RAD21: variants seen among roughly 807,000 people sequenced by gnomAD.
The protein encoded by RAD21 is double-strand-break repair protein rad21 homolog.
A neutral mutation model predicts 71.5 loss-of-function variants in RAD21; 18 were observed. That is an observed-to-expected ratio of 0.25 (90% CI 0.17 to 0.37). RAD21 has a LOEUF of 0.37. Ranked by LOEUF, RAD21 falls within the 10% of genes least tolerant of loss-of-function variation. The pLI is 1.00. For missense variants in RAD21, 493 were observed against 769.1 expected (o/e 0.64, Z 4.25); for synonymous variants, 248 against 254.0 (o/e 0.98, Z 0.22).
chr8:116,851,263 A>C (rs962638480), intron 11 of RAD21: 2 of 152,562 alleles, frequency 1.3e-5, no homozygotes, highest in African/African-American at 4.8e-5. Flanking sequence ...GGTGGTTATG[A>C]AAGTCACCTA....
chr8:116,852,710 T>C lies in RAD21; in HGVS notation c.1162-2A>G. The C allele has an allele frequency of 6.9e-7, 1 of 1,439,798 alleles. No homozygotes were observed. The highest frequency in any genetic ancestry group is 9.1e-7 in the Non-Finnish European group (1 of 1,095,150). The allele number at this position is 1,439,798 out of a possible 1,614,324, so 89.2% of individuals were successfully genotyped here. A position where few individuals can be genotyped will look rare whatever the true frequency, so the allele number is the denominator to read the frequency against. ...CGGTGTAAGACAGCGTGTAAAGAGC[T>C]ATTAAAAAAAAAAAAAAGAAAAATT... On this transcript the variant is annotated splice_acceptor_variant, in intron 9 of 13. Transcript: ENST00000297338. LOFTEE classifies it high-confidence loss of function.
intron 2 of RAD21, 66 bp downstream of exon 2, chr8:116,866,520 G>A: frequency 6.7e-7 from 1 of 1,489,912 alleles, no homozygotes; most frequent in Non-Finnish European, 9.0e-7. Flanking sequence ...AACTGTTTTA[G>A]AAGTTCTATT....
chr8:116,871,955 A>G lies in RAD21; in HGVS notation c.-33+2656T>C, dbSNP rs16889141. 2.8e-4 allele frequency among the ~76,000 whole-genome samples: 43 copies of G among 152,352 alleles called. No homozygotes were observed. In the East Asian group the frequency reaches 6.9e-3, roughly 25 times the overall value. ...TTCGAAATAACCTACTTGGCCATCAATAAGTGATATGAAAAATTAATAAAC... is the reference window on the plus strand; with the variant it reads ...TTCGAAATAACCTACTTGGCCATCAGTAAGTGATATGAAAAATTAATAAAC... On this transcript the variant is annotated intron_variant, in intron 1 of 13. Coordinates refer to ENST00000297338, the MANE Select transcript of RAD21 (RefSeq NM_006265.3).
At chr8:116,856,344 T>G in intron 7 of RAD21, 56 bp from the exon 8 acceptor site, 1 of 1,364,584 alleles carries the variant, frequency 7.3e-7, no homozygotes, top group Non-Finnish European at 9.5e-7. Flanking sequence ...ATATAACATA[T>G]ATCCCACAAA....
intron 10 of RAD21, 107 bp downstream of exon 10, chr8:116,852,442 G>T: frequency 8.3e-7 from 1 of 1,202,160 alleles, no homozygotes; most frequent in Non-Finnish European, 1.2e-6. Flanking sequence ...CCAAACATTT[G>T]AGTATATCTT....
intron 12 of RAD21, 51 bp downstream of exon 12, chr8:116,850,567 C>G (rs1257575352): frequency 3.2e-6 from 5 of 1,580,350 alleles, no homozygotes; most frequent in Non-Finnish European, 4.3e-6. Context: ...AAAAATAAAG[C>G]TGGTTGGAGG....
intron 1 of RAD21, among the ~76,000 whole-genome samples, chr8:116,871,538 T>C (rs7842491): frequency 0.066 from 10,038 of 152,278 alleles, 1,051 homozygotes; most frequent in African/African-American, 0.22. Context: ...TTAGAAAGCA[T>C]GGCAGGACTG....
At chr8:116,852,391 C>A (rs1357618507) in intron 10 of RAD21, 158 bp downstream of exon 10, 3 of 821,474 alleles carry the variant, frequency 3.7e-6, no homozygotes, top group Non-Finnish European at 5.5e-6. Flanking sequence ...CAGGAGGCTT[C>A]ATACTTAAAT....
Position 116,850,736 on chromosome 8 carries a change from G to T in RAD21, c.1502C>A (p.Pro501His). 1 of 1,612,592 alleles carries T rather than the reference G, an allele frequency of 6.2e-7. No individual in the cohort carries two copies. Among genetic ancestry groups the T allele is most frequent in the Non-Finnish European group, 8.5e-7 (1 of 1,178,756 alleles). The change falls in exon 12 of 14, where the codon CCT becomes CAT. Residue 501 changes from proline to histidine, a missense_variant. Pro to His is a moderately conservative substitution (Grantham distance 77). Coordinates refer to ENST00000297338, the MANE Select transcript of RAD21 (RefSeq NM_006265.3). ...PQQVEQMEIPPVELPPEEPPN... is the reference protein window; with the variant it reads ...PQQVEQMEIPHVELPPEEPPN... ...AGGTTCTTCTGGGGGAAGCTCTACA[G>T]GTGGTATTTCCATCTGCTCTACCTG... is the stretch of plus-strand genomic sequence containing the variant.
At chr8:116,859,938 T>TAA (rs1812554525) in intron 4 of RAD21, among the ~76,000 whole-genome samples, 1 of 152,170 alleles carries the variant, frequency 6.6e-6, no homozygotes, top group Non-Finnish European at 1.5e-5. Flanking sequence ...AATGCTACTC[T>TAA]AGTGAACATG....
rs775040660 is a variant in RAD21, at chr8:116,851,931, T to C, written c.1470+17A>G. ...GAATACCTTCAAATGACTTAATGGA[T>C]AGATTTGCTTACTTACAGGCATCAC... is the stretch of plus-strand genomic sequence containing the variant. On this transcript the variant is annotated intron_variant, in intron 11 of 13. Coordinates refer to ENST00000297338, the MANE Select transcript of RAD21 (RefSeq NM_006265.3). 1.9e-6 allele frequency: 3 copies of C among 1,595,728 alleles called. No individual in the cohort carries two copies. The highest frequency in any genetic ancestry group is 1.1e-5 in the South Asian group (1 of 90,278).
chr8:116,870,810 G>A lies in RAD21; in HGVS notation c.-33+3801C>T, dbSNP rs1274044464. On this transcript the variant is annotated intron_variant, in intron 1 of 13. Coordinates refer to ENST00000297338, the MANE Select transcript of RAD21 (RefSeq NM_006265.3). ...ATGTGCTTAATGAATAAGTAAGTAA[G>A]ATCCACCAAGTGATCTCATAATTGG... Among the ~76,000 whole-genome samples the A allele has an allele frequency of 7.9e-5, 12 of 152,316 alleles. No homozygotes were observed. In the East Asian group the frequency reaches 2.3e-3, roughly 29 times the overall value.
rs1181173702 is a variant in RAD21, at chr8:116,851,938, G to C, written c.1470+10C>G. ...TTCAAATGACTTAATGGATAGATTTGCTTACTTACAGGCATCACAGGCTCT... is the reference window on the plus strand; with the variant it reads ...TTCAAATGACTTAATGGATAGATTTCCTTACTTACAGGCATCACAGGCTCT... On this transcript the variant is annotated intron_variant, in intron 11 of 13. Transcript: ENST00000297338. 1 of 1,600,652 alleles carries C rather than the reference G, an allele frequency of 6.2e-7. No individual in the cohort carries two copies. Among genetic ancestry groups the C allele is most frequent in the Admixed American group, 1.7e-5 (1 of 59,704 alleles).
chr8:116,864,156 T>C (rs1284099255), intron 2 of RAD21, among the ~76,000 whole-genome samples: 1 of 151,984 alleles, frequency 6.6e-6, no homozygotes, highest in Non-Finnish European at 1.5e-5. Flanking sequence ...GATAAAACAA[T>C]GAGATAAGAC....
chr8:116,858,216 A>G, intron 5 of RAD21, 136 bp downstream of exon 5: 1 of 666,828 alleles, frequency 1.5e-6, no homozygotes, highest in Non-Finnish European at 2.5e-6. Context: ...GTAGAAAGCC[A>G]AATTCTTTTC....
In RAD21 at chr8:116,846,079, C is replaced by G. The variant is rs1479373155; in HGVS notation, c.*1421G>C. ...AACTAATGACCTTTCTAAAATCAAA[C>G]ATTCAATTATCTACAATGTCTTTTT... On this transcript the variant is annotated 3_prime_UTR_variant, in exon 14 of 14. Transcript: ENST00000297338. The G allele has an allele frequency of 2.6e-5, 6 of 230,810 alleles. No homozygotes were observed. In the Admixed American group the frequency reaches 3.4e-4, roughly 13 times the overall value. 14.3% of individuals were successfully genotyped at this position (230,810 alleles called of 1,614,324 possible).
chr8:116,869,270 A>G lies in RAD21; in HGVS notation c.-32-2509T>C, dbSNP rs16889084. Among the ~76,000 whole-genome samples the G allele has an allele frequency of 7.9e-5, 12 of 152,296 alleles. No individual in the cohort carries two copies. In the South Asian group the frequency reaches 2.5e-3, roughly 32 times the overall value. ...TCTTAAAACTTCAGGGGTAAGAAGA[A>G]AAAAAAACTCCAATTAGAAAGTAAG... On this transcript the variant is annotated intron_variant, in intron 1 of 13. Transcript: ENST00000297338.
intron 2 of RAD21, among the ~76,000 whole-genome samples, chr8:116,866,254 GTT>G (rs56026154): frequency 2.1e-5 from 3 of 142,762 alleles, no homozygotes; most frequent in Admixed American, 7.0e-5. Context: ...TTCCACGTCG[GTT>G]TTTTTTTTTT....
intron 1 of RAD21, among the ~76,000 whole-genome samples, chr8:116,868,596 T>C (rs897706285): frequency 6.6e-6 from 1 of 151,870 alleles, no homozygotes; most frequent in Non-Finnish European, 1.5e-5. Context: ...TGAGTTTTTT[T>C]ATATTTATAG....
Sources: gnomAD v4.1 joint callset for allele counts (sites outside exome capture counted in the v4.1 genomes callset) on GRCh38, gnomAD v4.1.1 for gene constraint, MANE v1.5 for transcripts, NCBI Gene and HGNC (gene_info 2026-07-23, HGNC 2026-07-21) for gene names.